MEPE: variants seen among roughly 807,000 people sequenced by gnomAD.
The protein encoded by MEPE is matrix, extracellular phosphoglycoprotein with ASARM motif (bone).
Under a neutral mutation model 7.3 loss-of-function variants are expected in MEPE, and 7 were observed. The ratio of observed to expected loss-of-function variants is 0.95; its 90% CI spans 0.54 to 1.79. MEPE has a LOEUF of 1.79. Ranked by LOEUF, MEPE falls within the 40% of genes most tolerant of loss-of-function variation. The pLI is 0.00. For missense variants in MEPE, 623 were observed against 628.2 expected, an observed-to-expected ratio of 0.99 and a Z score of 0.09; for synonymous variants, 214 against 213.1, an observed-to-expected ratio of 1.00 and a Z score of -0.04.
Position 87,846,246 on chromosome 4 carries a change from G to A in MEPE, c.1378G>A (p.Glu460Lys), listed in dbSNP as rs774083608. 4 of 1,614,050 alleles carry A rather than the reference G, an allele frequency of 2.5e-6. No homozygotes were observed. Among genetic ancestry groups the A allele is most frequent in the African/African-American group, 1.3e-5 (1 of 75,034 alleles). The change falls in exon 4 of 4, where the codon GAG (glutamate) becomes AAG (lysine). Residue 460 changes from glutamate (E) to lysine (K), a missense_variant. By Grantham distance (56) the Glu-to-Lys change is moderately conservative. Transcript: ENST00000361056. Reference sequence around the variant, plus strand: ...GGATTCCTTTAATGGCCCCAGTCATGAGAATATAATAACACATGGCAGAAA... The same window carrying A: ...GGATTCCTTTAATGGCCCCAGTCATAAGAATATAATAACACATGGCAGAAA... Reference protein sequence around the residue: ...EMDSFNGPSHENIITHGRKYH... With the variant: ...EMDSFNGPSHKNIITHGRKYH...
rs1223503970 is a variant in MEPE at position 87,840,121 on chromosome 4, A to C, written c.108+1436A>C. On this transcript the variant is annotated intron_variant, in intron 3 of 3. Transcript: ENST00000361056. ...GGTGTTTTATAAGAAAGTTTTCTTG[A>C]CATATTCTACCATATGCTCTGATGG... is the stretch of plus-strand genomic sequence containing the variant. The C allele has an allele frequency of 3.3e-6, 5 of 1,500,568 alleles. No homozygotes were observed. In the South Asian group the frequency reaches 3.8e-5, roughly 11 times the overall value. 93.0% of individuals were successfully genotyped at this position (1,500,568 alleles called of 1,614,324 possible).
chr4:87,839,762 T>C, intron 3 of MEPE: 2 of 1,549,824 alleles, frequency 1.3e-6, no homozygotes, highest in Non-Finnish European at 1.7e-6. Flanking sequence ...AGAAGAAAAA[T>C]CAAACTGATG....
intron 1 of MEPE, among the ~76,000 whole-genome samples, chr4:87,822,040 ACTGT>A (rs1056834892): frequency 3.3e-5 from 5 of 152,048 alleles, no homozygotes; most frequent in African/African-American, 1.2e-4. Flanking sequence ...AACACCCAGC[ACTGT>A]CTTTCTCCAA....
intron 1 of MEPE, among the ~76,000 whole-genome samples, chr4:87,827,901 A>G (rs1408809401): frequency 6.6e-6 from 1 of 152,180 alleles, no homozygotes; most frequent in African/African-American, 2.4e-5. Flanking sequence ...GAAATTCCCA[A>G]ATGCTGACAG....
chr4:87,835,915 T>A (rs1021366633), intron 2 of MEPE, among the ~76,000 whole-genome samples: 1 of 152,140 alleles, frequency 6.6e-6, no homozygotes, highest in African/African-American at 2.4e-5. Flanking sequence ...ATGTGCTATG[T>A]CAACATTGAT....
intron 1 of MEPE, among the ~76,000 whole-genome samples, chr4:87,823,388 A>G (rs1722389698): frequency 6.6e-6 from 1 of 152,226 alleles, no homozygotes; most frequent in Non-Finnish European, 1.5e-5. Context: ...AGGATAGCAG[A>G]GGGGACCCAT....
At chr4:87,837,328 A>G (rs1477556068) in intron 2 of MEPE, among the ~76,000 whole-genome samples, 3 of 151,970 alleles carry the variant, frequency 2.0e-5, no homozygotes, top group Non-Finnish European at 4.4e-5. Context: ...AGAGAAGGAC[A>G]TACCCTGGCT....
chr4:87,834,143 A>G (rs1015777966), intron 1 of MEPE, among the ~76,000 whole-genome samples: 4 of 152,232 alleles, frequency 2.6e-5, no homozygotes, highest in African/African-American at 9.6e-5. Flanking sequence ...TTAGTATTCA[A>G]TAAATGTTAG....
At chr4:87,830,228 G>GTATA (rs1245192057), upstream of MEPE, among the ~76,000 whole-genome samples, 1 of 152,074 alleles carries the variant, frequency 6.6e-6, no homozygotes, top group Admixed American at 6.6e-5. Flanking sequence ...CCATTACTGG[G>GTATA]TATATACCCG....
rs759424969 is a variant in MEPE, at chr4:87,845,543, T to A, written c.675T>A (p.His225Gln). 6.2e-6 allele frequency: 10 copies of A among 1,611,864 alleles called. No homozygotes were observed. The South Asian group carries it at 1.1e-4, about 18-fold the overall frequency. Residue 225 changes from histidine (H) to glutamine (Q), a missense_variant, in exon 4 of 4, where the codon CAT (histidine) becomes CAA (glutamine). Transcript: ENST00000361056. Reference sequence around the variant, plus strand: ...AACACAACATTGACTACCTAAAACATCTCTCAAAAGTCAAAAAAATCCCCA... The same window carrying A: ...AACACAACATTGACTACCTAAAACAACTCTCAAAAGTCAAAAAAATCCCCA... ...RIQHNIDYLKHLSKVKKIPSD... is the reference protein window; with the variant it reads ...RIQHNIDYLKQLSKVKKIPSD...
At chr4:87,830,621 T>C (rs956709665), upstream of MEPE, among the ~76,000 whole-genome samples, 52 of 152,242 alleles carry the variant, frequency 3.4e-4, no homozygotes, top group African/African-American at 1.1e-3. Context: ...AAAAGATAAC[T>C]ATTGGGTACT....
chr4:87,834,029 A>G (rs1472632562), intron 1 of MEPE, among the ~76,000 whole-genome samples: 1 of 152,190 alleles, frequency 6.6e-6, no homozygotes, highest in African/African-American at 2.4e-5. Context: ...TCTATTTCCT[A>G]ATCTATACAA....
At position 87,839,806 on chromosome 4, in the gene MEPE, C is replaced by T. The variant is rs377001270; in HGVS notation, c.108+1121C>T. ...AGCTGAATCTCTGAATGACCATTCT[C>T]AGCATGACTAAACTCTGGACTAGCC... On this transcript the variant is annotated intron_variant, in intron 3 of 3. Transcript: ENST00000361056. 706 of 1,544,648 alleles carry T rather than the reference C, an allele frequency of 4.6e-4. 5 individuals carry two copies. The South Asian group carries it at 4.8e-3, about 11-fold the overall frequency.
intron 3 of MEPE, among the ~76,000 whole-genome samples, chr4:87,841,808 CA>C (rs373838641): frequency 9.3e-4 from 141 of 152,288 alleles, no homozygotes; most frequent in South Asian, 6.8e-3. Context: ...AATTCAAGAG[CA>C]GGGGGGTCCA....
In MEPE at chr4:87,827,333, G is replaced by T. The variant is rs72875446; in HGVS notation, c.-13+5862G>T. ...AACTGACAAGCATAGAGAAAATCTG[G>T]GTTGGTGAGAATTAAGGAATTCATG... On this transcript the variant is annotated intron_variant, in intron 1 of 3. Coordinates refer to the MEPE transcript ENST00000424957. 8.6e-3 allele frequency among the ~76,000 whole-genome samples: 1,303 copies of T among 152,200 alleles called. 14 individuals are homozygous for T. The highest frequency in any genetic ancestry group is 0.029 in the African/African-American group (1,205 of 41,528).
intron 1 of MEPE, among the ~76,000 whole-genome samples, chr4:87,833,241 T>G (rs1004037046): frequency 1.3e-5 from 2 of 152,274 alleles, no homozygotes; most frequent in East Asian, 3.9e-4. Flanking sequence ...TCTCTTTTTT[T>G]TTGTTATTAG....
intron 3 of MEPE, chr4:87,839,828 A>G (rs1722945027): frequency 1.3e-6 from 2 of 1,542,686 alleles, no homozygotes; most frequent in African/African-American, 2.7e-5. Context: ...ACTCTGGACT[A>G]GCCCTAGAGG....
At chr4:87,829,076 A>G (rs896733561), upstream of MEPE, among the ~76,000 whole-genome samples, 1 of 152,142 alleles carries the variant, frequency 6.6e-6, no homozygotes, top group Non-Finnish European at 1.5e-5. Context: ...TTGAAGTTCA[A>G]TTTCAACACA....
At position 87,846,367 on chromosome 4, in the gene MEPE, G is replaced by A; in HGVS notation, c.1499G>A (p.Arg500Lys). The change falls in exon 4 of 4, where the codon AGG becomes AAG. Residue 500 changes from arginine to lysine, a missense_variant. Transcript: ENST00000361056. ...GSWGRQPHSNRRFSSRRRDDS... is the reference protein window; with the variant it reads ...GSWGRQPHSNKRFSSRRRDDS... ...TGGGGTAGACAACCCCATTCCAACA[G>A]GAGGTTTAGTTCCCGTAGAAGGGAT... 2 of 1,614,068 alleles carry A rather than the reference G, an allele frequency of 1.2e-6. No homozygotes were observed. The highest frequency in any genetic ancestry group is 1.7e-6 in the Non-Finnish European group (2 of 1,179,950).
Sources: gnomAD v4.1 joint callset for allele counts (sites outside exome capture counted in the v4.1 genomes callset) on GRCh38, gnomAD v4.1.1 for gene constraint, MANE v1.5 for transcripts, NCBI Gene and HGNC (gene_info 2026-07-23, HGNC 2026-07-21) for gene names.